The following PRMT3 variants were observed in gnomAD, a reference collection of about 807,000 sequenced individuals.
PRMT3 encodes the protein protein arginine methyltransferase 3.
A neutral mutation model predicts 71.9 loss-of-function variants in PRMT3; 62 were observed. The observed-to-expected ratio is 0.86, with a 90% CI of 0.70 to 1.07. The LOEUF (loss-of-function observed/expected upper bound fraction) is 1.07, where lower values mean the gene tolerates loss of function less well. PRMT3 is among the 50% of genes least tolerant of loss of function. PRMT3 has a pLI of 0.00. For missense variants in PRMT3, 663 were observed against 643.0 expected (o/e 1.03, Z -0.34); for synonymous variants, 213 against 220.4 (o/e 0.97, Z 0.30).
intron 8 of PRMT3, chr11:20,406,819 T>C (rs998206021): frequency 2.6e-5 from 4 of 152,228 alleles, no homozygotes; most frequent in Non-Finnish European, 4.4e-5. Flanking sequence ...TGTTGTTTTC[T>C]AGTTTTTTGA....
At chr11:20,429,481 A>T (rs1378161508) in intron 10 of PRMT3, among the ~76,000 whole-genome samples, 2 of 152,130 alleles carry the variant, frequency 1.3e-5, no homozygotes, top group Non-Finnish European at 2.9e-5. Context: ...TTCACTTCAG[A>T]GCGTTGGTCA....
At chr11:20,488,245 G>A (rs536267205) in intron 13 of PRMT3, among the ~76,000 whole-genome samples, 4 of 152,124 alleles carry the variant, frequency 2.6e-5, no homozygotes, top group South Asian at 4.2e-4. Context: ...CTTCTTAAAC[G>A]CCATTTATTA....
At chr11:20,483,125 A>G (rs986054601) in intron 13 of PRMT3, among the ~76,000 whole-genome samples, 3 of 152,046 alleles carry the variant, frequency 2.0e-5, no homozygotes, top group Non-Finnish European at 2.9e-5. Flanking sequence ...CTTAATTTAT[A>G]CTATTGAAGG....
intron 7 of PRMT3, 31 bp downstream of exon 7, chr11:20,397,752 A>G (rs759292218): frequency 1.9e-6 from 3 of 1,605,404 alleles, no homozygotes; most frequent in African/African-American, 1.3e-5. Flanking sequence ...CGTCAAATCC[A>G]TACTAAAGGA....
At chr11:20,455,156 T>C (rs1352268844) in intron 11 of PRMT3, among the ~76,000 whole-genome samples, 1 of 152,090 alleles carries the variant, frequency 6.6e-6, no homozygotes, top group East Asian at 1.9e-4. Flanking sequence ...ATGGGTGTTT[T>C]TACAACTACG....
chr11:20,452,312 A>T (rs1415892852), intron 11 of PRMT3, 104 bp downstream of exon 11: 6 of 848,686 alleles, frequency 7.1e-6, no homozygotes, highest in Non-Finnish European at 1.1e-5. Context: ...AGTTCCCGAT[A>T]GGGTTGAAAG....
At chr11:20,477,330 C>A (rs770224195) in intron 13 of PRMT3, among the ~76,000 whole-genome samples, 22 of 152,092 alleles carry the variant, frequency 1.4e-4, no homozygotes, top group Non-Finnish European at 1.8e-4. Context: ...AATCCCAGCA[C>A]TTTTGGAGGC....
Position 20,407,919 on chromosome 11 carries a change from G to A in PRMT3, c.780G>A (p.Leu260=). Residue 260 remains leucine (L), a synonymous_variant, in exon 9 of 16, where the codon TTG becomes TTA. Coordinates refer to ENST00000331079, the MANE Select transcript of PRMT3 (RefSeq NM_005788.4). ...TTTCTTAATTACCCTAGGTAGTTTT[G>A]GATGTTGGGTGTGGAACTGGAATTC... is the stretch of plus-strand genomic sequence containing the variant. ...NPHIFKDKVV[L]DVGCGTGILS... 1 of 1,609,982 alleles carries A rather than the reference G, an allele frequency of 6.2e-7. No individual in the cohort carries two copies. Among genetic ancestry groups the A allele is most frequent in the Non-Finnish European group, 8.5e-7 (1 of 1,177,518 alleles).
At chr11:20,465,534 C>G (rs1015534806) in intron 13 of PRMT3, among the ~76,000 whole-genome samples, 3 of 151,924 alleles carry the variant, frequency 2.0e-5, no homozygotes, top group Admixed American at 6.6e-5. Context: ...CACAAGACTT[C>G]ATGTCTTTAC....
At chr11:20,396,990 T>G (rs1316742870) in intron 6 of PRMT3, among the ~76,000 whole-genome samples, 6 of 152,164 alleles carry the variant, frequency 3.9e-5, no homozygotes, top group Non-Finnish European at 8.8e-5. Context: ...CTTCCCTGTT[T>G]CAGAATTTTT....
In PRMT3 at chr11:20,470,509, G is replaced by A. The variant is rs7950268; in HGVS notation, c.1347+5963G>A. On this transcript the variant is annotated intron_variant, in intron 13 of 15. Transcript: ENST00000331079. ...TGTTTGATTTTCTGTTCCTGCATTC[G>A]TTTGCTCGGGATAACAGCTCTCAAC... Among the ~76,000 whole-genome samples, 1,431 of 152,164 alleles carry A rather than the reference G, an allele frequency of 9.4e-3. 18 individuals are homozygous for A. Among genetic ancestry groups the A allele is most frequent in the African/African-American group, 0.033 (1,356 of 41,496 alleles).
chr11:20,506,398 AC>A lies in PRMT3; in HGVS notation c.1487-1905del, dbSNP rs1851591581. ...TATACACATTAACATATATACGTACACAAAAATTGTTATATTTTGTTGAATG... is the reference window on the plus strand; with the variant it reads ...TATACACATTAACATATATACGTACAAAAAATTGTTATATTTTGTTGAATG... On this transcript the variant is annotated intron_variant, in intron 15 of 15. Transcript: ENST00000331079. Among the ~76,000 whole-genome samples, 5 of 152,158 alleles carry A rather than the reference AC, an allele frequency of 3.3e-5. No individual in the cohort carries two copies. In the South Asian group the frequency reaches 1.0e-3, roughly 31 times the overall value.
intron 13 of PRMT3, among the ~76,000 whole-genome samples, chr11:20,477,809 C>CCA (rs1475706099): frequency 7.0e-6 from 1 of 143,220 alleles, no homozygotes; most frequent in Non-Finnish European, 1.5e-5. Flanking sequence ...GAAACCCCCC[C>CCA]CCCCCACTTC....
chr11:20,505,332 C>T (rs941995725), intron 15 of PRMT3, among the ~76,000 whole-genome samples: 5 of 152,060 alleles, frequency 3.3e-5, no homozygotes, highest in Admixed American at 6.5e-5. Flanking sequence ...CTCTGGAGGT[C>T]ATTTTGTTAT....
In PRMT3 at chr11:20,452,116, C is replaced by CT. The variant is rs1803278194; in HGVS notation, c.994-7dup. The CT allele has an allele frequency of 5.7e-6, 9 of 1,573,538 alleles. No individual in the cohort carries two copies. The highest frequency in any genetic ancestry group is 1.4e-5 in the African/African-American group (1 of 73,910). On this transcript the variant is annotated splice_polypyrimidine_tract_variant and intron_variant, in intron 10 of 15. Transcript: ENST00000331079. ...CACATTTCTAAACTCTTTTTTTCCC[C>CT]TTTTTTTATGCAGGGCTATTTTCTT... is the stretch of plus-strand genomic sequence containing the variant.
chr11:20,442,463 T>C (rs1172349672), intron 10 of PRMT3, among the ~76,000 whole-genome samples: 8 of 152,184 alleles, frequency 5.3e-5, no homozygotes, highest in African/African-American at 1.9e-4. Context: ...TAGATGACCA[T>C]TTTCTTTTTA....
At chr11:20,394,459 T>C (rs553214765) in intron 5 of PRMT3, among the ~76,000 whole-genome samples, 2 of 152,218 alleles carry the variant, frequency 1.3e-5, no homozygotes, top group South Asian at 4.1e-4. Context: ...TTTCCTCCAG[T>C]TTTATTCAGG....
intron 13 of PRMT3, among the ~76,000 whole-genome samples, chr11:20,483,331 C>T (rs1004634920): frequency 3.9e-5 from 6 of 151,998 alleles, no homozygotes; most frequent in East Asian, 1.9e-4. Context: ...TGTTTACTTA[C>T]GACTGATAGT....
intron 13 of PRMT3, among the ~76,000 whole-genome samples, chr11:20,480,978 G>A (rs2133433363): frequency 6.6e-6 from 1 of 152,228 alleles, no homozygotes; most frequent in Non-Finnish European, 1.5e-5. Context: ...TCTGTGGCCT[G>A]TCTTGTCAAG....
Sources: allele counts gnomAD v4.1 joint callset (sites outside exome capture counted in the v4.1 genomes callset), GRCh38; gene constraint gnomAD v4.1.1; transcripts MANE v1.5; gene names NCBI Gene and HGNC (gene_info 2026-07-23, HGNC 2026-07-21).